Variants in DLG2 observed in about 807,000 individuals in gnomAD.
DLG2 encodes discs large MAGUK scaffold protein 2.
Under a neutral mutation model 132.5 loss-of-function variants are expected in DLG2, and 45 were observed. The ratio of observed to expected loss-of-function variants is 0.34; its 90% CI spans 0.27 to 0.44. The LOEUF is 0.44. Among genes scored for constraint, DLG2 ranks in the 20% least tolerant of loss-of-function variants. The pLI is 1.00. For missense variants in DLG2, 1,045 were observed against 1,196.9 expected (o/e 0.87, Z 1.87); for synonymous variants, 424 against 419.6 (o/e 1.01, Z -0.13).
At chr11:84,476,816 C>A (rs1381408114) in intron 7 of DLG2, among the ~76,000 whole-genome samples, 1 of 152,118 alleles carries the variant, frequency 6.6e-6, no homozygotes, top group Non-Finnish European at 1.5e-5. Context: ...ATGAATGAAC[C>A]AGCAGATGAT....
intron 17 of DLG2, among the ~76,000 whole-genome samples, chr11:83,793,614 C>CA (rs2042101042): frequency 2.6e-5 from 4 of 152,208 alleles, no homozygotes. Flanking sequence ...TGCAGTTAGA[C>CA]AAAACGGGTT....
At chr11:84,628,796 G>A (rs1433137713) in intron 6 of DLG2, among the ~76,000 whole-genome samples, 1 of 152,126 alleles carries the variant, frequency 6.6e-6, no homozygotes. Flanking sequence ...CAACCTGAGG[G>A]CAAGGATTTT....
intron 6 of DLG2, among the ~76,000 whole-genome samples, chr11:84,638,792 T>G (rs1288811685): frequency 1.3e-5 from 2 of 152,190 alleles, no homozygotes; most frequent in South Asian, 2.1e-4. Flanking sequence ...TATTTGTGTG[T>G]GTGTGTATGT....
intron 6 of DLG2, among the ~76,000 whole-genome samples, chr11:84,888,317 A>G (rs923629864): frequency 1.3e-5 from 2 of 152,130 alleles, no homozygotes; most frequent in Non-Finnish European, 2.9e-5. Flanking sequence ...AATAAAACAA[A>G]AAGGCAAAGG....
intron 3 of DLG2, among the ~76,000 whole-genome samples, chr11:85,412,539 TC>T (rs1212970012): frequency 6.6e-6 from 1 of 151,420 alleles, no homozygotes. Flanking sequence ...TTCCACGGAG[TC>T]CCCAGAGTTC....
intron 7 of DLG2, among the ~76,000 whole-genome samples, chr11:84,533,863 G>A (rs1591742537): frequency 2.6e-5 from 3 of 115,164 alleles, no homozygotes; most frequent in African/African-American, 1.0e-4. Context: ...ACCTTTATAA[G>A]CTTTTTATCC....
chr11:84,791,196 C>G (rs1000190459), intron 6 of DLG2, among the ~76,000 whole-genome samples: 1 of 152,154 alleles, frequency 6.6e-6, no homozygotes, highest in Non-Finnish European at 1.5e-5. Context: ...AAACTGCCCC[C>G]ATAAACCAAT....
rs1056917294 is a variant in DLG2 at position 84,814,106 on chromosome 11, C to T, written c.358-279375G>A. On this transcript the variant is annotated intron_variant, in intron 6 of 27. Transcript: ENST00000376104. ...ACACTGCTGTGGCTTTAGCGAAATG[C>T]GCTTGTAGATTTTTTACATTTGTTT... Among the ~76,000 whole-genome samples the T allele has an allele frequency of 1.2e-4, 18 of 152,072 alleles. 1 individual carries two copies. Among genetic ancestry groups the T allele is most frequent in the Non-Finnish European group, 1.9e-4 (13 of 67,982 alleles).
At chr11:85,217,314 T>TCA (rs764728080) in intron 4 of DLG2, among the ~76,000 whole-genome samples, 297 of 22,110 alleles carry the variant, frequency 0.013, no homozygotes, top group Non-Finnish European at 0.02. Flanking sequence ...ATTCTCTCTC[T>TCA]CTCTCACACA....
Position 85,117,732 on chromosome 11 carries a change from C to G in DLG2, c.283-5997G>C, listed in dbSNP as rs535509098. On this transcript the variant is annotated intron_variant, in intron 5 of 27. Transcript: ENST00000376104. ...GCAGATGTCCTGTCTGAAGACCCCA[C>G]AGTGGAAAAAAGAGAATCTTTCATC... Among the ~76,000 whole-genome samples the G allele has an allele frequency of 2.2e-4, 33 of 151,510 alleles. 1 individual carries two copies. Among genetic ancestry groups the G allele is most frequent in the African/African-American group, 8.0e-4 (33 of 41,348 alleles).
intron 6 of DLG2, among the ~76,000 whole-genome samples, chr11:84,747,569 T>C (rs1229254279): frequency 2.0e-5 from 3 of 152,160 alleles, no homozygotes; most frequent in South Asian, 2.1e-4. Flanking sequence ...AGTTAACATA[T>C]TGAATTGCTA....
intron 3 of DLG2, among the ~76,000 whole-genome samples, chr11:85,334,586 T>C (rs975759944): frequency 2.0e-5 from 3 of 152,224 alleles, no homozygotes; most frequent in African/African-American, 4.8e-5. Flanking sequence ...AACTTTCCTC[T>C]TAACACTGCT....
intron 18 of DLG2, among the ~76,000 whole-genome samples, chr11:83,669,267 G>A (rs571076196): frequency 1.4e-4 from 21 of 151,968 alleles, no homozygotes; most frequent in African/African-American, 3.6e-4. Flanking sequence ...AATAATATTC[G>A]CACCTCTAGC....
At position 83,924,261 on chromosome 11, in the gene DLG2, ACAGTTAAAACATTAAAGGCC is replaced by A. The variant is rs1407514551; in HGVS notation, c.1496+6047_1496+6066del. Among the ~76,000 whole-genome samples the A allele has an allele frequency of 2.6e-5, 4 of 152,132 alleles. No homozygotes were observed. In the East Asian group the frequency reaches 7.7e-4, roughly 29 times the overall value. On this transcript the variant is annotated intron_variant, in intron 15 of 27. Transcript: ENST00000376104. ...TGATTTTGTATTTACAGACTTTGAAACAGTTAAAACATTAAAGGCCCAGTAAATTTTCTGCCACTCTGCAA... is the reference window on the plus strand; with the variant it reads ...TGATTTTGTATTTACAGACTTTGAAACAGTAAATTTTCTGCCACTCTGCAA...
intron 19 of DLG2, among the ~76,000 whole-genome samples, chr11:83,588,027 C>G (rs2097121226): frequency 6.6e-6 from 1 of 152,192 alleles, no homozygotes. Flanking sequence ...AGTCTGAGAT[C>G]AAACTGCAAG....
At chr11:83,556,188 G>A (rs772525779) in intron 19 of DLG2, among the ~76,000 whole-genome samples, 4 of 152,086 alleles carry the variant, frequency 2.6e-5, no homozygotes, top group African/African-American at 7.2e-5. Context: ...GAGAAATCTC[G>A]TTCGAAGTTT....
intron 6 of DLG2, among the ~76,000 whole-genome samples, chr11:84,897,580 C>A (rs2090369551): frequency 6.6e-6 from 1 of 151,770 alleles, no homozygotes; most frequent in Non-Finnish European, 1.5e-5. Flanking sequence ...TATCATATAT[C>A]TTTCTAGAGT....
intron 6 of DLG2, among the ~76,000 whole-genome samples, chr11:84,646,915 T>C (rs1214035245): frequency 2.0e-5 from 3 of 152,194 alleles, no homozygotes; most frequent in Non-Finnish European, 4.4e-5. Flanking sequence ...GTACAAGTTA[T>C]AACCCAGGCA....
intron 3 of DLG2, among the ~76,000 whole-genome samples, chr11:85,389,964 T>C (rs969662382): frequency 6.6e-6 from 1 of 151,796 alleles, no homozygotes; most frequent in Non-Finnish European, 1.5e-5. Flanking sequence ...AAAAAAGTAC[T>C]CAGGCAACAA....
Sources: gnomAD v4.1 joint callset for allele counts (sites outside exome capture counted in the v4.1 genomes callset) on GRCh38, gnomAD v4.1.1 for gene constraint, MANE v1.5 for transcripts, NCBI Gene and HGNC (gene_info 2026-07-23, HGNC 2026-07-21) for gene names.